NKAIN3: variants seen among roughly 807,000 people sequenced by gnomAD.
NKAIN3 encodes the protein sodium/potassium-transporting ATPase subunit beta-1-interacting protein 3.
In NKAIN3, 25 loss-of-function variants were observed where a neutral mutation model predicts 30.2. That is an observed-to-expected ratio of 0.83 (90% confidence interval 0.60 to 1.16). The LOEUF (loss-of-function observed/expected upper bound fraction) is 1.16, where lower values mean the gene tolerates loss of function less well. Ranked by LOEUF, NKAIN3 falls within the 50% of genes most tolerant of loss-of-function variation. The pLI is 0.00. For synonymous variants in NKAIN3, 91 were observed against 89.6 expected (o/e 1.02, Z -0.09); for missense variants, 225 against 254.1 (o/e 0.89, Z 0.78).
chr8:62,811,581 G>A (rs895634312), intron 4 of NKAIN3, among the ~76,000 whole-genome samples: 8 of 151,722 alleles, frequency 5.3e-5, no homozygotes, highest in Non-Finnish European at 1.0e-4. Context: ...TAAGTACATA[G>A]TAATATATCA....
intron 3 of NKAIN3, among the ~76,000 whole-genome samples, chr8:62,668,957 A>C (rs1327273689): frequency 9.2e-5 from 14 of 152,182 alleles, no homozygotes; most frequent in Non-Finnish European, 1.9e-4. Flanking sequence ...AATAAATGCA[A>C]CTAATTCTGT....
At chr8:62,840,306 CAT>C (rs1819494128) in intron 4 of NKAIN3, among the ~76,000 whole-genome samples, 1 of 150,834 alleles carries the variant, frequency 6.6e-6, no homozygotes, top group Admixed American at 6.6e-5. Flanking sequence ...CATTGTTCAA[CAT>C]AGTCTGCTCA....
At chr8:62,813,302 C>T (rs531512056) in intron 4 of NKAIN3, among the ~76,000 whole-genome samples, 1 of 152,000 alleles carries the variant, frequency 6.6e-6, no homozygotes, top group African/African-American at 2.4e-5. Flanking sequence ...ATTGTCCTGG[C>T]ACTCAGGATT....
In NKAIN3 at chr8:62,423,757, T is replaced by A. The variant is rs191361347; in HGVS notation, c.55-155782T>A. 2.6e-3 allele frequency among the ~76,000 whole-genome samples: 398 copies of A among 152,174 alleles called. 1 individual carries two copies. Among genetic ancestry groups the A allele is most frequent in the Non-Finnish European group, 4.6e-3 (311 of 67,942 alleles). ...TGGCCCCTTCTCTAAAGGGGATTTCTCATTTCCAACTAATACCTTTTTTAT... is the reference window on the plus strand; with the variant it reads ...TGGCCCCTTCTCTAAAGGGGATTTCACATTTCCAACTAATACCTTTTTTAT... On this transcript the variant is annotated intron_variant, in intron 1 of 6. Transcript: ENST00000623646.
At chr8:62,396,692 A>G (rs1817778003) in intron 1 of NKAIN3, among the ~76,000 whole-genome samples, 1 of 152,128 alleles carries the variant, frequency 6.6e-6, no homozygotes, top group Non-Finnish European at 1.5e-5. Flanking sequence ...TGCTAAACCA[A>G]ATTACAAAAT....
At chr8:62,300,083 G>T (rs993642706) in intron 1 of NKAIN3, among the ~76,000 whole-genome samples, 3 of 151,994 alleles carry the variant, frequency 2.0e-5, no homozygotes, top group Non-Finnish European at 4.4e-5. Context: ...AGCTGTAACA[G>T]ATCGATACTG....
intron 1 of NKAIN3, among the ~76,000 whole-genome samples, chr8:62,575,821 G>A (rs956836492): frequency 6.6e-6 from 1 of 151,998 alleles, no homozygotes. Flanking sequence ...TATATCTAAA[G>A]TGAACGAATT....
At chr8:62,906,050 A>G (rs757649616) in intron 4 of NKAIN3, among the ~76,000 whole-genome samples, 28 of 152,166 alleles carry the variant, frequency 1.8e-4, no homozygotes, top group Non-Finnish European at 3.7e-4. Flanking sequence ...CTTACTGTGA[A>G]AACAGCACAG....
At chr8:62,851,462 T>A (rs1230713978) in intron 4 of NKAIN3, among the ~76,000 whole-genome samples, 1 of 152,188 alleles carries the variant, frequency 6.6e-6, no homozygotes, top group Non-Finnish European at 1.5e-5. Flanking sequence ...TTCTCCTGCC[T>A]GATTGCCCTG....
At chr8:62,327,589 GC>G (rs1264598792) in intron 1 of NKAIN3, among the ~76,000 whole-genome samples, 6 of 151,964 alleles carry the variant, frequency 3.9e-5, no homozygotes, top group Non-Finnish European at 7.4e-5. Flanking sequence ...CCATTGAATA[GC>G]CTTACCACTC....
chr8:62,759,392 G>A (rs1222306815), intron 4 of NKAIN3, among the ~76,000 whole-genome samples: 1 of 152,112 alleles, frequency 6.6e-6, no homozygotes, highest in Non-Finnish European at 1.5e-5. Flanking sequence ...GGAGTAATAG[G>A]ATTAGAAATG....
chr8:62,251,027 A>G (rs1812084067), intron 1 of NKAIN3, among the ~76,000 whole-genome samples: 1 of 152,176 alleles, frequency 6.6e-6, no homozygotes, highest in African/African-American at 2.4e-5. Context: ...AAACTCTGCA[A>G]GTTCTTAGAG....
At chr8:62,935,158 G>A (rs1822744743) in intron 5 of NKAIN3, among the ~76,000 whole-genome samples, 1 of 152,014 alleles carries the variant, frequency 6.6e-6, no homozygotes, top group Non-Finnish European at 1.5e-5. Context: ...TAAATATGAA[G>A]AAATCCAACC....
chr8:62,814,405 C>T (rs1303984726), intron 4 of NKAIN3, among the ~76,000 whole-genome samples: 4 of 151,678 alleles, frequency 2.6e-5, no homozygotes, highest in Non-Finnish European at 5.9e-5. Flanking sequence ...CAGAACTCTC[C>T]ACCCCAAATC....
At chr8:62,955,367 A>G (rs1444910439) in intron 6 of NKAIN3, among the ~76,000 whole-genome samples, 4 of 152,204 alleles carry the variant, frequency 2.6e-5, no homozygotes, top group Admixed American at 2.6e-4. Context: ...CCAAAAGTTG[A>G]TGTTTGTAGA....
At chr8:62,461,375 T>C (rs1202009894) in intron 1 of NKAIN3, among the ~76,000 whole-genome samples, 2 of 152,078 alleles carry the variant, frequency 1.3e-5, no homozygotes, top group African/African-American at 4.8e-5. Context: ...ATTCCCAGAG[T>C]TGCCACATTA....
chr8:62,842,441 A>G (rs1209778185), intron 4 of NKAIN3, among the ~76,000 whole-genome samples: 2 of 152,098 alleles, frequency 1.3e-5, no homozygotes, highest in Non-Finnish European at 2.9e-5. Context: ...TACTACAAAA[A>G]ATAATCTACA....
chr8:62,692,877 T>C (rs1461157740), intron 3 of NKAIN3, among the ~76,000 whole-genome samples: 1 of 152,196 alleles, frequency 6.6e-6, no homozygotes, highest in Non-Finnish European at 1.5e-5. Flanking sequence ...CTTGTTTATG[T>C]AACTGCATCC....
intron 1 of NKAIN3, among the ~76,000 whole-genome samples, chr8:62,253,054 A>G (rs1389209106): frequency 1.3e-5 from 2 of 152,192 alleles, no homozygotes; most frequent in Admixed American, 6.5e-5. Context: ...GGCAAGTTCA[A>G]TGTAACTTTG....
Sources: gnomAD v4.1 joint callset for allele counts (sites outside exome capture counted in the v4.1 genomes callset) on GRCh38, gnomAD v4.1.1 for gene constraint, MANE v1.5 for transcripts, NCBI Gene and HGNC (gene_info 2026-07-23, HGNC 2026-07-21) for gene names.